Variants in PRDM16 observed in about 807,000 individuals in gnomAD.
PRDM16 encodes the protein PR/SET domain 16.
A neutral mutation model predicts 110.6 loss-of-function variants in PRDM16; 23 were observed. That is an observed-to-expected ratio of 0.21 (90% CI 0.15 to 0.29). The LOEUF (loss-of-function observed/expected upper bound fraction) is 0.29. Ranked by LOEUF, PRDM16 falls within the 10% of genes least tolerant of loss-of-function variation. The pLI is 1.00. For missense variants in PRDM16, 1,615 were observed against 1,794.3 expected (o/e 0.90, Z 1.81); for synonymous variants, 799 against 781.8 (o/e 1.02, Z -0.37).
chr1:3,158,645 G>C lies in PRDM16; in HGVS notation c.38-27480G>C, dbSNP rs556326424. On this transcript the variant is annotated intron_variant, in intron 1 of 16. Transcript: ENST00000270722. ...AGACTGAGCTGATGGGTTTGTTGGA[G>C]ATTTTTCTTTTTCTTTTTTCTCTCT... Among the ~76,000 whole-genome samples, 6 of 151,810 alleles carry C rather than the reference G, an allele frequency of 4.0e-5. No individual in the cohort carries two copies. In the South Asian group the frequency reaches 1.3e-3, roughly 32 times the overall value.
chr1:3,259,568 G>A (rs1350202148), intron 3 of PRDM16, among the ~76,000 whole-genome samples: 1 of 152,234 alleles, frequency 6.6e-6, no homozygotes, highest in Non-Finnish European at 1.5e-5. Flanking sequence ...CACATAGGCA[G>A]TAAGCGGCAA....
In PRDM16 at chr1:3,337,757, G is replaced by A. The variant is rs72849100; in HGVS notation, c.439-47395G>A. Among the ~76,000 whole-genome samples, 1,512 of 152,306 alleles carry A rather than the reference G, an allele frequency of 9.9e-3. 33 individuals are homozygous for A. The highest frequency in any genetic ancestry group is 0.034 in the African/African-American group (1,413 of 41,562). On this transcript the variant is annotated intron_variant, in intron 3 of 16. Coordinates refer to ENST00000270722, the MANE Select transcript of PRDM16 (RefSeq NM_022114.4). ...GGTTGGGGATCCCCAGAGAGCACACGATAGAGTTCCTGGCTGACCGGCATT... is the reference window on the plus strand; with the variant it reads ...GGTTGGGGATCCCCAGAGAGCACACAATAGAGTTCCTGGCTGACCGGCATT...
chr1:3,409,850 G>GTGGGTC (rs1643647460), intron 8 of PRDM16, among the ~76,000 whole-genome samples: 1 of 77,328 alleles, frequency 1.3e-5, no homozygotes, highest in African/African-American at 1.2e-4. Context: ...TGGTGTGGGT[G>GTGGGTC]TGTGTGTGGT....
intron 1 of PRDM16, among the ~76,000 whole-genome samples, chr1:3,164,720 G>A (rs1052225831): frequency 6.6e-5 from 10 of 152,168 alleles, no homozygotes; most frequent in African/African-American, 1.4e-4. Flanking sequence ...ATGAGGTCAC[G>A]GTCCCGCGTG....
intron 1 of PRDM16, among the ~76,000 whole-genome samples, chr1:3,099,644 T>C (rs944036046): frequency 8.6e-5 from 13 of 151,830 alleles, no homozygotes; most frequent in African/African-American, 2.9e-4. Context: ...ACGTGCCGAG[T>C]GCAGTGGGTC....
intron 10 of PRDM16, among the ~76,000 whole-genome samples, chr1:3,415,608 T>G (rs1431230563): frequency 1.3e-5 from 2 of 152,192 alleles, no homozygotes; most frequent in Non-Finnish European, 2.9e-5. Flanking sequence ...CATCCTGCGT[T>G]TGTTTGTGCG....
At chr1:3,126,644 C>G (rs982152862) in intron 1 of PRDM16, among the ~76,000 whole-genome samples, 3 of 152,142 alleles carry the variant, frequency 2.0e-5, no homozygotes, top group African/African-American at 7.2e-5. Flanking sequence ...CCAGGAGCCT[C>G]CAGCCCTGGG....
At chr1:3,322,208 T>C (rs562077404) in intron 3 of PRDM16, among the ~76,000 whole-genome samples, 9 of 145,620 alleles carry the variant, frequency 6.2e-5, no homozygotes, top group Non-Finnish European at 1.2e-4. Flanking sequence ...TGTGCACGTG[T>C]GTGTGTGAGC....
chr1:3,335,642 C>CACACACA (rs1570095583), intron 3 of PRDM16, among the ~76,000 whole-genome samples: 3 of 146,658 alleles, frequency 2.0e-5, no homozygotes, highest in South Asian at 2.2e-4. Context: ...CACACACACA[C>CACACACA]CCTTGGACAT....
At chr1:3,212,984 C>T (rs1638933350) in intron 2 of PRDM16, among the ~76,000 whole-genome samples, 1 of 152,228 alleles carries the variant, frequency 6.6e-6, no homozygotes, top group Admixed American at 6.5e-5. Context: ...CAGAGCTGGA[C>T]ACAGGGAAGT....
At chr1:3,274,012 G>A (rs967119634) in intron 3 of PRDM16, among the ~76,000 whole-genome samples, 10 of 147,784 alleles carry the variant, frequency 6.8e-5, no homozygotes, top group African/African-American at 2.5e-4. Flanking sequence ...CACTGAAAGG[G>A]AACCAGCCGC....
intron 3 of PRDM16, among the ~76,000 whole-genome samples, chr1:3,270,563 C>T (rs999128375): frequency 6.3e-5 from 9 of 143,266 alleles, no homozygotes; most frequent in Admixed American, 6.2e-4. Flanking sequence ...TCAAGAGGAG[C>T]ATAGTCCTGG....
intron 1 of PRDM16, among the ~76,000 whole-genome samples, chr1:3,070,391 G>A (rs1341996192): frequency 1.4e-5 from 2 of 147,654 alleles, no homozygotes; most frequent in Admixed American, 1.3e-4. Context: ...CGGTGAGGCG[G>A]GCGGGCAGGT....
chr1:3,227,339 G>A (rs1055436984), intron 2 of PRDM16, among the ~76,000 whole-genome samples: 5 of 152,286 alleles, frequency 3.3e-5, no homozygotes, highest in Non-Finnish European at 4.4e-5. Context: ...ATTAGGGACA[G>A]GAACCAGAGT....
intron 8 of PRDM16, among the ~76,000 whole-genome samples, chr1:3,407,704 C>T (rs1293385268): frequency 6.6e-6 from 1 of 152,214 alleles, no homozygotes; most frequent in African/African-American, 2.4e-5. Context: ...CCCGTTGCAT[C>T]GCTTTAATGA....
chr1:3,085,526 T>A lies in PRDM16; in HGVS notation c.37+16230T>A, dbSNP rs149555321. 4.8e-3 allele frequency among the ~76,000 whole-genome samples: 727 copies of A among 152,334 alleles called. 5 individuals are homozygous for A. Among genetic ancestry groups the A allele is most frequent in the African/African-American group, 0.017 (692 of 41,578 alleles). Reference sequence around the variant, plus strand: ...TTGGCTCAGGCCAACTTGGACTGAATCCTGGCACCCACTGTTCAAAAGCTG... The same window carrying A: ...TTGGCTCAGGCCAACTTGGACTGAAACCTGGCACCCACTGTTCAAAAGCTG... On this transcript the variant is annotated intron_variant, in intron 1 of 16. Coordinates refer to ENST00000270722, the MANE Select transcript of PRDM16 (RefSeq NM_022114.4).
chr1:3,366,512 G>T (rs1642819150), intron 3 of PRDM16, among the ~76,000 whole-genome samples: 1 of 152,222 alleles, frequency 6.6e-6, no homozygotes, highest in Non-Finnish European at 1.5e-5. Context: ...CCTGCTCCGG[G>T]GGCCAGTGTG....
chr1:3,234,518 G>A (rs953590427), intron 2 of PRDM16, among the ~76,000 whole-genome samples: 1 of 152,164 alleles, frequency 6.6e-6, no homozygotes, highest in African/African-American at 2.4e-5. Context: ...CGAGACGCCT[G>A]GTCCAGCAAG....
chr1:3,129,487 C>T (rs967790469), intron 1 of PRDM16, among the ~76,000 whole-genome samples: 3 of 152,084 alleles, frequency 2.0e-5, no homozygotes, highest in Admixed American at 2.0e-4. Flanking sequence ...GTGGCCTGTG[C>T]ACTCACAACA....
Sources: gnomAD v4.1 joint callset for allele counts (sites outside exome capture counted in the v4.1 genomes callset) on GRCh38, gnomAD v4.1.1 for gene constraint, MANE v1.5 for transcripts, NCBI Gene and HGNC (gene_info 2026-07-23, HGNC 2026-07-21) for gene names.